Variants in ZFAT observed in about 807,000 individuals in gnomAD.
The protein encoded by ZFAT is zinc finger and AT-hook domain containing, also known as zinc finger protein ZFAT.
In ZFAT, 64 loss-of-function variants were observed where a neutral mutation model predicts 117.7. That is an observed-to-expected ratio of 0.54 (90% confidence interval 0.44 to 0.67). ZFAT has a LOEUF of 0.67. Ranked by LOEUF, ZFAT falls within the 30% of genes least tolerant of loss-of-function variation. The probability of loss-of-function intolerance (pLI) is 0.00; values close to 1 mark genes in which losing one functional copy is unlikely to be tolerated. For synonymous variants in ZFAT, 679 were observed against 615.0 expected (o/e 1.10, Z -1.54); for missense variants, 1,433 against 1,584.5 (o/e 0.90, Z 1.62).
chr8:134,501,276 G>A (rs187410373), intron 15 of ZFAT, among the ~76,000 whole-genome samples: 3 of 152,234 alleles, frequency 2.0e-5, no homozygotes, highest in Non-Finnish European at 2.9e-5. Context: ...CAATTTGCCC[G>A]CCTACAGAGG....
chr8:134,576,577 AC>A (rs2130817775), intron 10 of ZFAT, among the ~76,000 whole-genome samples: 1 of 152,322 alleles, frequency 6.6e-6, no homozygotes, highest in African/African-American at 2.4e-5. Context: ...GTGCTCAGGG[AC>A]CATTTTCTAT....
chr8:134,736,325 C>T, the ZFAT span, among the ~76,000 whole-genome samples: 5 of 152,110 alleles, frequency 3.3e-5, no homozygotes, highest in East Asian at 3.9e-4. Flanking sequence ...ACCCTCATGA[C>T]GACCTTTCAT....
In ZFAT at chr8:134,602,135, C is replaced by T; in HGVS notation, c.1584G>A (p.Val528=). 6.2e-7 allele frequency: 1 copy of T among 1,613,040 alleles called. No homozygotes were observed. Among genetic ancestry groups the T allele is most frequent in the Non-Finnish European group, 8.5e-7 (1 of 1,179,814 alleles). Residue 528 remains valine (V), a synonymous_variant, in exon 6 of 16, where the codon GTG becomes GTA. Transcript: ENST00000377838. ...LVEEEFALQG[V]NALKEEACPG... ...GACAGGCCTCTTCCTTGAGTGCATT[C>T]ACGCCCTGGAGGGCAAACTCCTCTT... is the stretch of plus-strand genomic sequence containing the variant.
intron 14 of ZFAT, among the ~76,000 whole-genome samples, chr8:134,512,269 T>C (rs7001732): frequency 0.17 from 25,857 of 152,220 alleles, 2,355 homozygotes; most frequent in Non-Finnish European, 0.19. Flanking sequence ...TCGAAGGCTT[T>C]CCCTCTGCTT....
At chr8:134,620,985 T>C (rs1829069520) in intron 3 of ZFAT, among the ~76,000 whole-genome samples, 1 of 152,172 alleles carries the variant, frequency 6.6e-6, no homozygotes. Context: ...TTCATGTACA[T>C]GTGCTAATTA....
intron 1 of ZFAT, among the ~76,000 whole-genome samples, chr8:134,668,242 A>G (rs181007032): frequency 6.6e-6 from 1 of 152,264 alleles, no homozygotes; most frequent in African/African-American, 2.4e-5. Flanking sequence ...TCCCTGTCTG[A>G]CAGCTTTGAA....
rs1554626161 is a variant in ZFAT at position 134,712,739 on chromosome 8, G to GGC, written c.19+104_19+105dup. 4.9e-4 allele frequency: 558 copies of GGC among 1,135,880 alleles called. 1 individual carries two copies. Among genetic ancestry groups the GGC allele is most frequent in the Admixed American group, 9.9e-4 (24 of 24,262 alleles). The allele number at this position is 1,135,880 out of a possible 1,614,324, so 70.4% of individuals were successfully genotyped here. On this transcript the variant is annotated intron_variant, in intron 1 of 15. Coordinates refer to ENST00000377838, the MANE Select transcript of ZFAT (RefSeq NM_020863.4). ...CCTCCGCGGCCGGCGGCCGGCGGCC[G>GGC]GCGGCCGGCGCACTGCTTCCCGACT...
upstream of ZFAT, among the ~76,000 whole-genome samples, chr8:134,716,059 C>G (rs117158482): frequency 3.8e-4 from 57 of 151,824 alleles, no homozygotes; most frequent in East Asian, 0.011. Context: ...CCCAGGAGCT[C>G]AAGGCTGCAA....
intron 13 of ZFAT, among the ~76,000 whole-genome samples, chr8:134,520,429 T>C (rs1356678428): frequency 6.6e-6 from 1 of 152,036 alleles, no homozygotes; most frequent in Non-Finnish European, 1.5e-5. Context: ...AGGTGACTGG[T>C]TCCAACTCCT....
At chr8:134,547,644 GA>G (rs1410911834) in intron 11 of ZFAT, among the ~76,000 whole-genome samples, 1 of 152,176 alleles carries the variant, frequency 6.6e-6, no homozygotes, top group Non-Finnish European at 1.5e-5. Flanking sequence ...CCTCTTACAG[GA>G]ATCTCCACTG....
chr8:134,664,070 C>T lies in ZFAT; in HGVS notation c.20-6333G>A, dbSNP rs546954755. On this transcript the variant is annotated intron_variant, in intron 1 of 15. Coordinates refer to ENST00000377838, the MANE Select transcript of ZFAT (RefSeq NM_020863.4). Reference sequence around the variant, plus strand: ...GAAAGGATCTTGAAAGGCAGCCAGACCTGCACAGGAGGTCATGGAAGGGGC... The same window carrying T: ...GAAAGGATCTTGAAAGGCAGCCAGATCTGCACAGGAGGTCATGGAAGGGGC... 8.7e-4 allele frequency among the ~76,000 whole-genome samples: 133 copies of T among 152,230 alleles called. 1 individual carries two copies. Among genetic ancestry groups the T allele is most frequent in the Admixed American group, 1.4e-3 (22 of 15,272 alleles).
chr8:134,723,880 C>A, the ZFAT span: 7 of 152,162 alleles, frequency 4.6e-5, no homozygotes, highest in Non-Finnish European at 1.0e-4. Context: ...AAACTGATAA[C>A]CCTGAAAATA....
intron 1 of ZFAT, chr8:134,696,614 T>C: frequency 1.0e-6 from 1 of 986,104 alleles, no homozygotes; most frequent in Non-Finnish European, 1.2e-6. Flanking sequence ...CCCGCGCTTC[T>C]CTCCAATACA....
chr8:134,484,895 A>G (rs4909603), intron 15 of ZFAT, among the ~76,000 whole-genome samples: 15,709 of 152,256 alleles, frequency 0.1, 1,018 homozygotes, highest in East Asian at 0.3. Flanking sequence ...TCCTGGACTC[A>G]AGAGTTCCTC....
At chr8:134,680,046 C>T (rs200799490) in intron 1 of ZFAT, among the ~76,000 whole-genome samples, 7 of 151,310 alleles carry the variant, frequency 4.6e-5, no homozygotes, top group Non-Finnish European at 8.8e-5. Flanking sequence ...ACCTATGTAA[C>T]AAACCTGCAT....
the ZFAT span, among the ~76,000 whole-genome samples, chr8:134,769,316 A>G: frequency 1.3e-5 from 2 of 152,194 alleles, no homozygotes; most frequent in Non-Finnish European, 2.9e-5. Context: ...GGGTAAATAT[A>G]CCCATTCCAA....
At chr8:134,824,113 A>G in the ZFAT span, among the ~76,000 whole-genome samples, 4 of 152,384 alleles carry the variant, frequency 2.6e-5, no homozygotes, top group East Asian at 1.9e-4. Context: ...AAACAATGTA[A>G]TAACTGCTTT....
upstream of ZFAT, among the ~76,000 whole-genome samples, chr8:134,716,845 G>A (rs1391010871): frequency 6.6e-6 from 1 of 152,226 alleles, no homozygotes; most frequent in Non-Finnish European, 1.5e-5. Context: ...TTAGTAAAGA[G>A]ACAGGTTTGG....
At chr8:134,725,328 G>A in the ZFAT span, among the ~76,000 whole-genome samples, 1 of 152,168 alleles carries the variant, frequency 6.6e-6, no homozygotes, top group Non-Finnish European at 1.5e-5. Flanking sequence ...TTTATAAAGA[G>A]GATGAATTGG....
Sources: gnomAD v4.1 joint callset for allele counts (sites outside exome capture counted in the v4.1 genomes callset) on GRCh38, gnomAD v4.1.1 for gene constraint, MANE v1.5 for transcripts, NCBI Gene and HGNC (gene_info 2026-07-23, HGNC 2026-07-21) for gene names.